Variants in GMDS observed in about 807,000 individuals in gnomAD.
GMDS encodes GDP-mannose 4,6-dehydratase.
GMDS carries 20 observed loss-of-function variants against 49.9 expected under a neutral mutation model. The observed-to-expected ratio is 0.40, with a 90% CI of 0.28 to 0.58. The LOEUF is 0.58. Ranked by LOEUF, GMDS falls within the 20% of genes least tolerant of loss-of-function variation. The pLI, the probability that GMDS is intolerant of heterozygous loss-of-function variation, is 0.42. For synonymous variants in GMDS, 177 were observed against 178.6 expected, an observed-to-expected ratio of 0.99 and a Z score of 0.07; for missense variants, 362 against 481.4, an observed-to-expected ratio of 0.75 and a Z score of 2.32.
At chr6:1,837,402 C>T (rs1024305968) in intron 7 of GMDS, among the ~76,000 whole-genome samples, 8 of 152,158 alleles carry the variant, frequency 5.3e-5, no homozygotes, top group African/African-American at 1.9e-4. Flanking sequence ...CCCTAAACAA[C>T]TTACATTTTA....
At chr6:2,012,946 A>C (rs1767649417) in intron 4 of GMDS, among the ~76,000 whole-genome samples, 1 of 152,202 alleles carries the variant, frequency 6.6e-6, no homozygotes. Context: ...TTGCCTTCTC[A>C]GGGAAAATGC....
intron 4 of GMDS, among the ~76,000 whole-genome samples, chr6:2,106,850 G>A (rs917043491): frequency 1.2e-4 from 17 of 147,102 alleles, no homozygotes; most frequent in Admixed American, 6.0e-4. Flanking sequence ...GCGACAGAGC[G>A]AGACTCTGTC....
At position 1,640,770 on chromosome 6, in the gene GMDS, C is replaced by T. The variant is rs1214407935; in HGVS notation, c.988-16230G>A. Among the ~76,000 whole-genome samples the T allele has an allele frequency of 1.3e-5, 2 of 152,106 alleles. No homozygotes were observed. Among genetic ancestry groups the T allele is most frequent in the East Asian group, 3.9e-4 (2 of 5,184 alleles). The stretch of plus-strand genomic sequence containing the variant: ...GTCAGTAAACAGGCAATCAAGGAAA[C>T]AATCAGGTGGTTACAAGGCCTCTGA... On this transcript the variant is annotated intron_variant, in intron 9 of 10. Transcript: ENST00000380815. This position sits in a 1 kb window ranked among gnomAD's most constrained non-coding sequence, Gnocchi z 4.0.
At chr6:1,645,749 C>T (rs539212715) in intron 9 of GMDS, among the ~76,000 whole-genome samples, 30 of 152,362 alleles carry the variant, frequency 2.0e-4, no homozygotes, top group African/African-American at 6.7e-4. Context: ...AGCCTGACAA[C>T]TGCAGCCAGT....
intron 9 of GMDS, among the ~76,000 whole-genome samples, chr6:1,718,400 A>G (rs1276432097): frequency 1.3e-5 from 2 of 151,490 alleles, no homozygotes; most frequent in Non-Finnish European, 2.9e-5. Flanking sequence ...CCTCCCCACT[A>G]CCCTACATGG....
intron 4 of GMDS, among the ~76,000 whole-genome samples, chr6:2,069,583 C>G (rs1227367934): frequency 6.6e-6 from 1 of 152,074 alleles, no homozygotes; most frequent in African/African-American, 2.4e-5. Context: ...AAAAAACAAA[C>G]AATCCCATCA....
chr6:1,751,963 A>G (rs565822372), intron 7 of GMDS, among the ~76,000 whole-genome samples: 1 of 152,242 alleles, frequency 6.6e-6, no homozygotes, highest in Non-Finnish European at 1.5e-5. Context: ...TCCAAAAACC[A>G]GAATGCCTCT....
intron 7 of GMDS, among the ~76,000 whole-genome samples, chr6:1,910,833 G>A (rs1190768180): frequency 6.6e-6 from 1 of 152,186 alleles, no homozygotes; most frequent in East Asian, 1.9e-4. Context: ...ATGCCCTCCA[G>A]GAAATGTGTC....
At chr6:1,651,352 A>T (rs1199807966) in intron 9 of GMDS, among the ~76,000 whole-genome samples, 1 of 152,172 alleles carries the variant, frequency 6.6e-6, no homozygotes, top group Non-Finnish European at 1.5e-5. Flanking sequence ...GTCTCACAGG[A>T]ATAGTTCTGT....
intron 1 of GMDS, among the ~76,000 whole-genome samples, chr6:2,214,989 C>T (rs1382727256): frequency 6.6e-6 from 1 of 152,140 alleles, no homozygotes; most frequent in East Asian, 1.9e-4. Context: ...AATGTAAGTA[C>T]GTTAAGACCA....
chr6:1,941,716 T>C (rs1762832096), intron 6 of GMDS, among the ~76,000 whole-genome samples: 3 of 152,094 alleles, frequency 2.0e-5, no homozygotes, highest in Admixed American at 2.0e-4. Flanking sequence ...AAGATCCTAG[T>C]GATGACGGAG....
At chr6:2,157,967 T>C (rs982718800) in intron 1 of GMDS, among the ~76,000 whole-genome samples, 15 of 152,150 alleles carry the variant, frequency 9.9e-5, no homozygotes, top group African/African-American at 3.1e-4. Context: ...GGCATTAAAA[T>C]CTGCCTGCCT....
At chr6:2,241,179 G>A (rs918345662) in intron 1 of GMDS, among the ~76,000 whole-genome samples, 2 of 152,086 alleles carry the variant, frequency 1.3e-5, no homozygotes, top group South Asian at 2.1e-4. Context: ...GTCCTGGAAC[G>A]TCCTACATGC....
intron 7 of GMDS, among the ~76,000 whole-genome samples, chr6:1,762,744 G>A (rs1477590294): frequency 6.6e-6 from 1 of 152,184 alleles, no homozygotes; most frequent in African/African-American, 2.4e-5. Context: ...ACACATTCGC[G>A]TCCCTGTTCA....
intron 9 of GMDS, among the ~76,000 whole-genome samples, chr6:1,713,399 G>A (rs1042877248): frequency 4.6e-5 from 7 of 152,178 alleles, no homozygotes; most frequent in African/African-American, 1.4e-4. Flanking sequence ...ACCCACCACC[G>A]GCCCACGCCG....
intron 9 of GMDS, among the ~76,000 whole-genome samples, chr6:1,686,106 G>A (rs1212479695): frequency 6.6e-6 from 1 of 152,194 alleles, no homozygotes; most frequent in Non-Finnish European, 1.5e-5. Context: ...AAGAAGCGAA[G>A]TCTGTAGCCC....
At chr6:1,705,092 T>C (rs1308348471) in intron 9 of GMDS, among the ~76,000 whole-genome samples, 1 of 152,228 alleles carries the variant, frequency 6.6e-6, no homozygotes, top group Non-Finnish European at 1.5e-5. Context: ...CGATGACTAC[T>C]GAACATTTTG....
At chr6:1,891,813 A>G (rs2113841554) in intron 7 of GMDS, among the ~76,000 whole-genome samples, 2 of 152,318 alleles carry the variant, frequency 1.3e-5, no homozygotes, top group Middle Eastern at 3.4e-3. Flanking sequence ...TATGCACACT[A>G]GAAGTTTGAT....
intron 7 of GMDS, among the ~76,000 whole-genome samples, chr6:1,875,462 C>T (rs1481748405): frequency 1.3e-5 from 2 of 152,066 alleles, no homozygotes; most frequent in African/African-American, 2.4e-5. Flanking sequence ...AGCACACTCC[C>T]CCGCCGACAC....
Sources: gnomAD v4.1 joint callset for allele counts (sites outside exome capture counted in the v4.1 genomes callset) on GRCh38, gnomAD v4.1.1 for gene constraint, Gnocchi (gnomAD v3.1) non-coding constraint, MANE v1.5 for transcripts, NCBI Gene and HGNC (gene_info 2026-07-23, HGNC 2026-07-21) for gene names.